The following RAB2A variants were observed in gnomAD, a reference collection of about 807,000 sequenced individuals.
RAB2A encodes ras-related protein Rab-2A.
RAB2A carries 7 observed loss-of-function variants against 32.5 expected under a neutral mutation model. The ratio of observed to expected loss-of-function variants is 0.22; its 90% CI spans 0.12 to 0.40. The LOEUF is 0.40. RAB2A is among the 10% of genes least tolerant of loss of function. The pLI, the probability that RAB2A is intolerant of heterozygous loss-of-function variation, is 1.00. For synonymous variants in RAB2A, 79 were observed against 85.2 expected (o/e 0.93, Z 0.40); for missense variants, 108 against 260.7 (o/e 0.41, Z 4.03).
intron 3 of RAB2A, among the ~76,000 whole-genome samples, chr8:60,577,575 G>A (rs1021907511): frequency 6.6e-6 from 1 of 151,908 alleles, no homozygotes; most frequent in Non-Finnish European, 1.5e-5. Flanking sequence ...CATGCATGTA[G>A]ATTTCAAAAT....
At chr8:60,549,520 G>A (rs1314047013) in intron 1 of RAB2A, among the ~76,000 whole-genome samples, 1 of 149,000 alleles carries the variant, frequency 6.7e-6, no homozygotes, top group South Asian at 2.1e-4. Flanking sequence ...AACTACTAAT[G>A]GATAGAAAAT....
At chr8:60,527,930 G>C (rs1807417529) in intron 1 of RAB2A, among the ~76,000 whole-genome samples, 1 of 152,196 alleles carries the variant, frequency 6.6e-6, no homozygotes, top group Admixed American at 6.5e-5. Context: ...TTATAGGTGA[G>C]GAAAGGGACA....
chr8:60,556,640 A>T (rs1419220814), intron 1 of RAB2A, among the ~76,000 whole-genome samples: 1 of 107,264 alleles, frequency 9.3e-6, no homozygotes, highest in African/African-American at 4.6e-5. Flanking sequence ...CCTCTTTTTA[A>T]TAAAAAAAAA....
intron 5 of RAB2A, among the ~76,000 whole-genome samples, chr8:60,590,253 C>G (rs1317702298): frequency 6.6e-6 from 1 of 152,018 alleles, no homozygotes; most frequent in African/African-American, 2.4e-5. Context: ...AGCCACCGCA[C>G]CCGGCCTATT....
intron 6 of RAB2A, among the ~76,000 whole-genome samples, chr8:60,598,482 C>T (rs748178561): frequency 6.6e-6 from 1 of 152,004 alleles, no homozygotes; most frequent in African/African-American, 2.4e-5. Flanking sequence ...AATATATAAG[C>T]AAAACTCCTC....
At chr8:60,561,462 C>G (rs1377491322) in intron 2 of RAB2A, among the ~76,000 whole-genome samples, 1 of 152,184 alleles carries the variant, frequency 6.6e-6, no homozygotes, top group Admixed American at 6.5e-5. Context: ...GCTCAGAGCT[C>G]TTAAGGAGGG....
At chr8:60,549,019 T>G (rs1357047254) in intron 1 of RAB2A, among the ~76,000 whole-genome samples, 1 of 131,040 alleles carries the variant, frequency 7.6e-6, no homozygotes, top group African/African-American at 3.0e-5. Flanking sequence ...AGGGCAGAGG[T>G]GCTCCCCACA....
chr8:60,574,286 T>C (rs1052026678), intron 3 of RAB2A, among the ~76,000 whole-genome samples: 28 of 152,222 alleles, frequency 1.8e-4, no homozygotes, highest in Admixed American at 1.8e-3. Context: ...TTACATTATC[T>C]ACCCTTCTCA....
chr8:60,569,972 G>GC (rs2130838893), intron 2 of RAB2A: 1 of 456,288 alleles, frequency 2.2e-6, no homozygotes, highest in South Asian at 1.5e-5. Flanking sequence ...GCATCTTGGA[G>GC]CCCAGGAAGC....
intron 1 of RAB2A, among the ~76,000 whole-genome samples, chr8:60,543,034 C>T (rs969416384): frequency 2.0e-5 from 3 of 152,192 alleles, no homozygotes; most frequent in Non-Finnish European, 4.4e-5. Flanking sequence ...TCCCACACCA[C>T]TCAATATTTC....
At chr8:60,590,745 A>G (rs2130853175) in intron 5 of RAB2A, among the ~76,000 whole-genome samples, 1 of 151,902 alleles carries the variant, frequency 6.6e-6, no homozygotes, top group Non-Finnish European at 1.5e-5. Flanking sequence ...ATCTGCATGT[A>G]TTATATGGAT....
At chr8:60,586,933 GAAAAAA>G (rs200377607) in intron 5 of RAB2A, among the ~76,000 whole-genome samples, 255 of 63,930 alleles carry the variant, frequency 4.0e-3, no homozygotes, top group African/African-American at 0.01. Flanking sequence ...CTGTCTCCAA[GAAAAAA>G]AAAAAAAAAA....
At chr8:60,531,731 A>G (rs1253884037) in intron 1 of RAB2A, among the ~76,000 whole-genome samples, 1 of 151,926 alleles carries the variant, frequency 6.6e-6, no homozygotes, top group Admixed American at 6.6e-5. Context: ...AAGAATATCA[A>G]GGAGGTACTG....
At chr8:60,561,495 A>C (rs1297042065) in intron 2 of RAB2A, among the ~76,000 whole-genome samples, 1 of 152,034 alleles carries the variant, frequency 6.6e-6, no homozygotes, top group Non-Finnish European at 1.5e-5. Flanking sequence ...CCTGTTTCTC[A>C]TTCTCCCATC....
intron 1 of RAB2A, among the ~76,000 whole-genome samples, chr8:60,519,764 C>T (rs2326563): frequency 1 from 152,274 of 152,288 alleles, 76,130 homozygotes; most frequent in Middle Eastern, 1. Flanking sequence ...GTATATTTAA[C>T]TAATAAGAGA....
intron 1 of RAB2A, among the ~76,000 whole-genome samples, chr8:60,530,908 T>C (rs1379424681): frequency 1.3e-5 from 2 of 152,084 alleles, no homozygotes; most frequent in Non-Finnish European, 2.9e-5. Context: ...TGCAGGCCAG[T>C]AGAGAGATTA....
intron 3 of RAB2A, among the ~76,000 whole-genome samples, chr8:60,580,266 A>T (rs1308782489): frequency 6.6e-6 from 1 of 152,208 alleles, no homozygotes; most frequent in Non-Finnish European, 1.5e-5. Context: ...AAGTGCTGAG[A>T]TTACAGGCGT....
intron 1 of RAB2A, among the ~76,000 whole-genome samples, chr8:60,518,422 C>G (rs1354130928): frequency 1.3e-5 from 2 of 151,660 alleles, no homozygotes; most frequent in Non-Finnish European, 2.9e-5. Flanking sequence ...TTTCGGAGGC[C>G]GAGGTGGGGG....
intron 2 of RAB2A, chr8:60,570,102 A>G (rs7834982): frequency 0.037 from 16,590 of 450,774 alleles, 1,660 homozygotes; most frequent in African/African-American, 0.25. Context: ...TATCAATTCC[A>G]GAGAGGGAGC....
Sources: allele counts gnomAD v4.1 joint callset (sites outside exome capture counted in the v4.1 genomes callset), GRCh38; gene constraint gnomAD v4.1.1; transcripts MANE v1.5; gene names NCBI Gene and HGNC (gene_info 2026-07-23, HGNC 2026-07-21).